Variants in CXXC4 observed in about 807,000 individuals in gnomAD.
CXXC4 encodes CXXC-type zinc finger protein 4.
CXXC4 carries 5 observed loss-of-function variants against 20.5 expected under a neutral mutation model. The observed-to-expected ratio is 0.24, with a 90% CI of 0.13 to 0.51. The LOEUF is 0.51. CXXC4 is among the 20% of genes least tolerant of loss of function. The probability of loss-of-function intolerance (pLI) is 0.97; values close to 1 mark genes in which losing one functional copy is unlikely to be tolerated. For synonymous variants in CXXC4, 250 were observed against 216.4 expected (o/e 1.16, Z -1.36); for missense variants, 419 against 496.4 (o/e 0.84, Z 1.48).
chr4:104,477,170 C>T lies in CXXC4; in HGVS notation c.1060-4804G>A, dbSNP rs571155975. 2.6e-5 allele frequency among the ~76,000 whole-genome samples: 4 copies of T among 152,198 alleles called. No individual in the cohort carries two copies. In the East Asian group the frequency reaches 7.7e-4, roughly 29 times the overall value. On this transcript the variant is annotated intron_variant, in intron 2 of 2. Transcript: ENST00000394767. Reference sequence around the variant, plus strand: ...TATGACAAAACATAATAATGGACCCCACTGTTTGCCTTCAGTTATTCAATT... The same window carrying T: ...TATGACAAAACATAATAATGGACCCTACTGTTTGCCTTCAGTTATTCAATT...
chr4:104,469,821 T>A lies in CXXC4; in HGVS notation c.*2501A>T, dbSNP rs754614577. On this transcript the variant is annotated 3_prime_UTR_variant, in exon 3 of 3. Coordinates refer to ENST00000394767, the MANE Select transcript of CXXC4 (RefSeq NM_025212.4). ...GAAAAGCTACACTTTCTCATTTCAG[T>A]AATCAACAAATTTTCTTTCATTAAA... 6.6e-6 allele frequency: 1 copy of A among 151,974 alleles called. No individual in the cohort carries two copies. The highest frequency in any genetic ancestry group is 1.5e-5 in the Non-Finnish European group (1 of 67,934). The allele number at this position is 151,974 out of a possible 1,614,324, so 9.4% of individuals were successfully genotyped here.
rs532524986 is a variant in CXXC4 at position 104,491,307 on chromosome 4, TGCCGCCGCCGCC to T, written c.484_495del (p.Gly162_Gly165del). 75 of 1,572,912 alleles carry T rather than the reference TGCCGCCGCCGCC, an allele frequency of 4.8e-5. No homozygotes were observed. Among genetic ancestry groups the T allele is most frequent in the Admixed American group, 3.6e-5 (2 of 55,120 alleles). The stretch of plus-strand genomic sequence containing the variant: ...TTTCGGTGGTGCATGCTGGTCCTGC[TGCCGCCGCCGCC>T]GCCGCCGCCGCCACCGCCGGCGGGG... On this transcript the variant is annotated inframe_deletion, in exon 2 of 3. Transcript: ENST00000394767.
intron 2 of CXXC4, among the ~76,000 whole-genome samples, chr4:104,482,337 A>C (rs572021741): frequency 3.9e-5 from 6 of 152,294 alleles, no homozygotes; most frequent in Admixed American, 3.9e-4. Flanking sequence ...TTAACTCTAC[A>C]TATAGCAGCA....
Position 104,492,008 on chromosome 4 carries a change from C to A in CXXC4, c.-206G>T. 2.5e-6 allele frequency: 1 copy of A among 393,350 alleles called. No homozygotes were observed. The highest frequency in any genetic ancestry group is 4.5e-6 in the Non-Finnish European group (1 of 222,454). The allele number at this position is 393,350 out of a possible 1,614,324, so 24.4% of individuals were successfully genotyped here. ...CCTCTCTGGGGCTCATTTCCACAGA[C>A]GGTGAATTCCCAGGCAGCGTCTTCC... On this transcript the variant is annotated 5_prime_UTR_variant, in exon 2 of 3. Coordinates refer to ENST00000394767, the MANE Select transcript of CXXC4 (RefSeq NM_025212.4).
At chr4:104,473,033 C>A (rs1736316156) in intron 2 of CXXC4, among the ~76,000 whole-genome samples, 1 of 151,672 alleles carries the variant, frequency 6.6e-6, no homozygotes, top group Admixed American at 6.6e-5. Context: ...AAATTTAGGT[C>A]ACTGTTTTAT....
rs1252168301 is a variant in CXXC4, at chr4:104,469,600, C to CT, written c.*2721dup. 2 of 151,790 alleles carry CT rather than the reference C, an allele frequency of 1.3e-5. No homozygotes were observed. The highest frequency in any genetic ancestry group is 6.6e-5 in the Admixed American group (1 of 15,188). 9.4% of individuals were successfully genotyped at this position (151,790 alleles called of 1,614,324 possible). On this transcript the variant is annotated 3_prime_UTR_variant, in exon 3 of 3. Coordinates refer to ENST00000394767, the MANE Select transcript of CXXC4 (RefSeq NM_025212.4). ...ACTGCCTTAGGTTTATAATGATAAG[C>CT]TTTAGAAGTTCTCAGTACAGGGACA... is the stretch of plus-strand genomic sequence containing the variant.
Position 104,491,688 on chromosome 4 carries a change from T to C in CXXC4, c.115A>G (p.Met39Val). 2 of 1,545,918 alleles carry C rather than the reference T, an allele frequency of 1.3e-6. No individual in the cohort carries two copies. The highest frequency in any genetic ancestry group is 2.5e-5 in the East Asian group (1 of 40,428). ...GTGGCAAAGGAGCGGTAGCGCTCCA[T>C]TTCCGAGTTGTAATCCACAAGGCTG... ...LNSLVDYNSE[M>V]ERYRSFATSF... Residue 39 changes from methionine (M) to valine (V), a missense_variant, in exon 2 of 3, where the codon ATG becomes GTG. Met to Val is a conservative substitution (Grantham distance 21). This residue lies in a region of CXXC4 where 388 missense variants were observed against 416.0 expected (regional missense o/e 0.93). Transcript: ENST00000394767.
intron 2 of CXXC4, among the ~76,000 whole-genome samples, chr4:104,478,556 G>A (rs755508406): frequency 1.3e-4 from 20 of 152,160 alleles, no homozygotes; most frequent in East Asian, 9.7e-4. Context: ...AATGCTATGC[G>A]TATATAATTA....
Position 104,469,158 on chromosome 4 carries a change from G to A in CXXC4, c.*3164C>T, listed in dbSNP as rs1398091208. The A allele has an allele frequency of 1.3e-5, 2 of 152,010 alleles. No individual in the cohort carries two copies. Among genetic ancestry groups the A allele is most frequent in the African/African-American group, 2.4e-5 (1 of 41,406 alleles). 9.4% of individuals were successfully genotyped at this position (152,010 alleles called of 1,614,324 possible). On this transcript the variant is annotated 3_prime_UTR_variant, in exon 3 of 3. Coordinates refer to ENST00000394767, the MANE Select transcript of CXXC4 (RefSeq NM_025212.4). Reference sequence around the variant, plus strand: ...TTCTACTTTGAATCTGACTCCACTTGTAGACAGACAGGCAGAGTCCATCAG... The same window carrying A: ...TTCTACTTTGAATCTGACTCCACTTATAGACAGACAGGCAGAGTCCATCAG...
intron 2 of CXXC4, among the ~76,000 whole-genome samples, chr4:104,486,217 T>G (rs1201746940): frequency 6.6e-6 from 1 of 152,126 alleles, no homozygotes; most frequent in Non-Finnish European, 1.5e-5. Context: ...AAAATGTATG[T>G]ACGCTTTGTA....
chr4:104,469,069 A>G lies in CXXC4; in HGVS notation c.*3253T>C, dbSNP rs538449778. 1.3e-5 allele frequency: 2 copies of G among 152,114 alleles called. No individual in the cohort carries two copies. The highest frequency in any genetic ancestry group is 2.1e-4 in the South Asian group (1 of 4,828). The allele number at this position is 152,114 out of a possible 1,614,324, so 9.4% of individuals were successfully genotyped here. A position where few individuals can be genotyped will look rare whatever the true frequency, so the allele number is the denominator to read the frequency against. On this transcript the variant is annotated 3_prime_UTR_variant, in exon 3 of 3. Transcript: ENST00000394767. ...GTGTTGGGAATTAAGCAACCAGGAGACATTTTTATATACTCCTACAGTGGG... is the reference window on the plus strand; with the variant it reads ...GTGTTGGGAATTAAGCAACCAGGAGGCATTTTTATATACTCCTACAGTGGG...
At chr4:104,485,735 A>C (rs1448807626) in intron 2 of CXXC4, among the ~76,000 whole-genome samples, 1 of 152,102 alleles carries the variant, frequency 6.6e-6, no homozygotes, top group Non-Finnish European at 1.5e-5. Context: ...CAATGTTCCA[A>C]CTGGAGCAAA....
At chr4:104,479,760 C>CCCTT (rs373831382) in intron 2 of CXXC4, among the ~76,000 whole-genome samples, 1 of 147,400 alleles carries the variant, frequency 6.8e-6, no homozygotes, top group Non-Finnish European at 1.5e-5. Flanking sequence ...CCCTCTCCCT[C>CCCTT]CCTTCCTTCC....
intron 2 of CXXC4, among the ~76,000 whole-genome samples, chr4:104,480,878 CTT>C: frequency 1.4e-5 from 2 of 143,636 alleles, no homozygotes; most frequent in African/African-American, 5.1e-5. Flanking sequence ...TCCTTCCTTC[CTT>C]CCATCCTTTC....
intron 2 of CXXC4, among the ~76,000 whole-genome samples, chr4:104,476,699 G>A (rs1020647746): frequency 3.3e-5 from 5 of 151,804 alleles, no homozygotes; most frequent in African/African-American, 1.2e-4. Context: ...ATATACTTTC[G>A]AATCTAAAAA....
chr4:104,477,864 T>C (rs547277164), intron 2 of CXXC4, among the ~76,000 whole-genome samples: 4 of 152,236 alleles, frequency 2.6e-5, no homozygotes, highest in East Asian at 1.9e-4. Context: ...TTTCTAATAA[T>C]CCAGATTCAT....
In CXXC4 at chr4:104,491,390, G is replaced by A; in HGVS notation, c.413C>T (p.Ser138Phe). ...GGCGGAGGAGGAGGCGGCGGCGGAG[G>A]AGGATTTCCTGCCGCCCCCACCACC... ...GGGGGGGRKS[S>F]SAAASSSASS... The change falls in exon 2 of 3, where the codon TCC becomes TTC. Residue 138 changes from serine (S) to phenylalanine (F), a missense_variant. This residue lies in a region of CXXC4 where 388 missense variants were observed against 416.0 expected (regional missense o/e 0.93). Coordinates refer to ENST00000394767, the MANE Select transcript of CXXC4 (RefSeq NM_025212.4). 2 of 1,288,500 alleles carry A rather than the reference G, an allele frequency of 1.6e-6. No homozygotes were observed. The highest frequency in any genetic ancestry group is 2.0e-6 in the Non-Finnish European group (2 of 1,009,066). The allele number at this position is 1,288,500 out of a possible 1,614,324, so 79.8% of individuals were successfully genotyped here. A position where few individuals can be genotyped will look rare whatever the true frequency, so the allele number is the denominator to read the frequency against.
chr4:104,475,693 C>A lies in CXXC4; in HGVS notation c.1060-3327G>T, dbSNP rs373891432. On this transcript the variant is annotated intron_variant, in intron 2 of 2. Transcript: ENST00000394767. ...AATGTGCGGGATTAAATACCCTGAC[C>A]AGCCACCTTTGGGTTGTATAAATTC... is the stretch of plus-strand genomic sequence containing the variant. 1.1e-4 allele frequency among the ~76,000 whole-genome samples: 17 copies of A among 152,214 alleles called. No individual in the cohort carries two copies. In the East Asian group the frequency reaches 2.3e-3, roughly 21 times the overall value.
At chr4:104,484,172 T>C (rs1322140998) in intron 2 of CXXC4, among the ~76,000 whole-genome samples, 1 of 151,986 alleles carries the variant, frequency 6.6e-6, no homozygotes, top group Admixed American at 6.6e-5. Context: ...GACTGAGAAA[T>C]TATATAGCAT....
Sources: allele counts gnomAD v4.1 joint callset (sites outside exome capture counted in the v4.1 genomes callset), GRCh38; gene constraint gnomAD v4.1.1; regional missense constraint gnomAD v4.1.1; transcripts MANE v1.5; gene names NCBI Gene and HGNC (gene_info 2026-07-23, HGNC 2026-07-21).